The following STXBP4 variants were observed in gnomAD, a reference collection of about 807,000 sequenced individuals.
STXBP4 encodes the protein syntaxin binding protein 4, also known as syntaxin-binding protein 4.
Under a neutral mutation model 76.1 loss-of-function variants are expected in STXBP4, and 55 were observed. The observed-to-expected ratio is 0.72, with a 90% confidence interval of 0.58 to 0.91. STXBP4 has a LOEUF of 0.91. STXBP4 is among the 40% of genes least tolerant of loss of function. The pLI is 0.00. For missense variants in STXBP4, 618 were observed against 636.9 expected (o/e 0.97, Z 0.32); for synonymous variants, 201 against 220.2 (o/e 0.91, Z 0.77).
At chr17:55,193,075 C>T in the STXBP4 span, among the ~76,000 whole-genome samples, 2 of 152,248 alleles carry the variant, frequency 1.3e-5, no homozygotes, top group Non-Finnish European at 2.9e-5. Context: ...TGGGTTGGAG[C>T]ACTCATGAAA....
rs567473508 is a variant in STXBP4, at chr17:55,035,789, T to C, written c.855+1530T>C. Among the ~76,000 whole-genome samples, 44 of 152,126 alleles carry C rather than the reference T, an allele frequency of 2.9e-4. 1 individual carries two copies. The highest frequency in any genetic ancestry group is 6.8e-3 in the Middle Eastern group (2 of 294). On this transcript the variant is annotated intron_variant, in intron 10 of 17. Transcript: ENST00000376352. ...AAATTACCATATTTACCTGGGAATT[T>C]CTGGACTCTTTATTCTGGTGGCTTC... is the stretch of plus-strand genomic sequence containing the variant.
chr17:55,027,329 A>G (rs142250432), intron 8 of STXBP4, among the ~76,000 whole-genome samples: 2 of 152,280 alleles, frequency 1.3e-5, no homozygotes, highest in Non-Finnish European at 2.9e-5. Context: ...GGCCCTTCCT[A>G]TCGCCCAAGA....
chr17:55,103,256 G>T lies in STXBP4; in HGVS notation c.1489+22073G>T, dbSNP rs531314142. ...CTAGGTTTTCTTCTAGGATTTTTAT[G>T]ATTTTATGTCTTATATTTAAGTCTT... On this transcript the variant is annotated intron_variant, in intron 16 of 17. Coordinates refer to ENST00000376352, the MANE Select transcript of STXBP4 (RefSeq NM_178509.6). Among the ~76,000 whole-genome samples the T allele has an allele frequency of 6.3e-4, 96 of 152,176 alleles. No homozygotes were observed. The South Asian group carries it at 0.019, about 30-fold the overall frequency.
At chr17:55,007,643 G>A (rs776947632) in intron 8 of STXBP4, 46 bp downstream of exon 8, 4 of 1,447,776 alleles carry the variant, frequency 2.8e-6, no homozygotes, top group African/African-American at 2.9e-5. Context: ...ACAAAAACAG[G>A]AAAGAAGTAT....
intron 8 of STXBP4, among the ~76,000 whole-genome samples, chr17:55,022,293 T>C (rs1221278166): frequency 1.4e-5 from 2 of 145,828 alleles, no homozygotes; most frequent in East Asian, 4.1e-4. Flanking sequence ...GCATATATAC[T>C]TTCTGTTATT....
At chr17:55,058,367 G>A (rs1431248975) in intron 12 of STXBP4, among the ~76,000 whole-genome samples, 1 of 152,102 alleles carries the variant, frequency 6.6e-6, no homozygotes, top group Non-Finnish European at 1.5e-5. Context: ...AGAAGTGTCT[G>A]TTCATATCCT....
chr17:55,108,592 A>G (rs2079666841), intron 16 of STXBP4, among the ~76,000 whole-genome samples: 1 of 152,184 alleles, frequency 6.6e-6, no homozygotes, highest in Non-Finnish European at 1.5e-5. Flanking sequence ...TGGGAAAAGC[A>G]TAGTATCTGG....
At chr17:55,119,224 A>T (rs2079816864) in intron 16 of STXBP4, among the ~76,000 whole-genome samples, 1 of 152,030 alleles carries the variant, frequency 6.6e-6, no homozygotes, top group Non-Finnish European at 1.5e-5. Flanking sequence ...GCTACCAGTT[A>T]AAAAATATCA....
At chr17:55,000,746 C>T (rs993713659) in intron 6 of STXBP4, 62 bp from the exon 7 acceptor site, 4 of 1,073,158 alleles carry the variant, frequency 3.7e-6, no homozygotes, top group Non-Finnish European at 5.8e-6. Flanking sequence ...TTTATGTTAA[C>T]ATGGGCTTCA....
chr17:55,176,014 G>T (rs1295130370), downstream of STXBP4, among the ~76,000 whole-genome samples: 6 of 152,224 alleles, frequency 3.9e-5, no homozygotes, highest in African/African-American at 1.4e-4. Flanking sequence ...GAGTAATCCA[G>T]TGATTCCTGA....
chr17:54,990,182 T>A (rs1421312621), intron 3 of STXBP4, among the ~76,000 whole-genome samples: 2 of 152,234 alleles, frequency 1.3e-5, no homozygotes, highest in Non-Finnish European at 2.9e-5. Context: ...CCATACTTTT[T>A]AAAAATGTCA....
chr17:55,026,696 G>A (rs1029158443), intron 8 of STXBP4, among the ~76,000 whole-genome samples: 3 of 152,194 alleles, frequency 2.0e-5, no homozygotes, highest in Non-Finnish European at 2.9e-5. Flanking sequence ...TCTATGGACC[G>A]AAGGAAGCTA....
At chr17:55,080,952 T>G (rs1216565600) in intron 15 of STXBP4, 98 bp from the exon 16 acceptor site, 2 of 1,159,396 alleles carry the variant, frequency 1.7e-6, no homozygotes, top group African/African-American at 3.2e-5. Context: ...AATATAAATA[T>G]TTTTGTACAA....
intron 10 of STXBP4, among the ~76,000 whole-genome samples, chr17:55,040,806 G>A (rs1361250185): frequency 6.6e-6 from 1 of 152,158 alleles, no homozygotes; most frequent in African/African-American, 2.4e-5. Context: ...GAAGGTTAAG[G>A]AATATAAATT....
In STXBP4 at chr17:54,990,922, A is replaced by G. The variant is rs2077705492; in HGVS notation, c.145A>G (p.Ile49Val). 5 of 1,599,530 alleles carry G rather than the reference A, an allele frequency of 3.1e-6. No homozygotes were observed. The highest frequency in any genetic ancestry group is 4.3e-6 in the Non-Finnish European group (5 of 1,175,426). Residue 49 changes from isoleucine to valine, a missense_variant, in exon 4 of 18, where the codon ATT becomes GTT. Coordinates refer to ENST00000376352, the MANE Select transcript of STXBP4 (RefSeq NM_178509.6). The stretch of plus-strand genomic sequence containing the variant: ...CCGGAATGAAGGCCCATTGGTATAT[A>G]TTCAGGAAATTATTCCTGGAGGAGA... ...INRNEGPLVY[I>V]QEIIPGGDCY...
chr17:54,994,780 C>T (rs2077773863), intron 4 of STXBP4, among the ~76,000 whole-genome samples: 1 of 151,772 alleles, frequency 6.6e-6, no homozygotes, highest in Non-Finnish European at 1.5e-5. Flanking sequence ...GTAGCATTTT[C>T]TCAGTTCCTG....
At chr17:55,181,937 A>G in the STXBP4 span, among the ~76,000 whole-genome samples, 1 of 152,188 alleles carries the variant, frequency 6.6e-6, no homozygotes. Flanking sequence ...TCAACATCCT[A>G]TGAGTAAGGG....
the STXBP4 span, among the ~76,000 whole-genome samples, chr17:55,193,764 T>C: frequency 6.9e-6 from 1 of 144,422 alleles, no homozygotes; most frequent in Non-Finnish European, 1.5e-5. Flanking sequence ...ATCATTTACT[T>C]CCTGGGCCTC....
At chr17:55,209,155 CTGAAAGAGGAGT>C in the STXBP4 span, among the ~76,000 whole-genome samples, 2 of 152,000 alleles carry the variant, frequency 1.3e-5, no homozygotes, top group South Asian at 2.1e-4. Flanking sequence ...GAAGAGAAGG[CTGAAAGAGGAGT>C]CTGAAGATTA....
Sources: allele counts gnomAD v4.1 joint callset (sites outside exome capture counted in the v4.1 genomes callset), GRCh38; gene constraint gnomAD v4.1.1; transcripts MANE v1.5; gene names NCBI Gene and HGNC (gene_info 2026-07-23, HGNC 2026-07-21).